DST: variants seen among roughly 807,000 people sequenced by gnomAD.
The protein encoded by DST is bullous pemphigoid antigen.
DST carries 253 observed loss-of-function variants against 875.2 expected under a neutral mutation model. That is an observed-to-expected ratio of 0.29 (90% CI 0.26 to 0.32). The LOEUF is 0.32. DST is among the 10% of genes least tolerant of loss of function. The pLI, the probability that DST is intolerant of heterozygous loss-of-function variation, is 1.00. For synonymous variants in DST, 3,124 were observed against 3,197.1 expected (o/e 0.98, Z 0.77); for missense variants, 8,287 against 9,111.6 (o/e 0.91, Z 3.68).
At chr6:56,788,797 C>T (rs377308948) in intron 4 of DST, among the ~76,000 whole-genome samples, 11 of 152,174 alleles carry the variant, frequency 7.2e-5, no homozygotes, top group Admixed American at 3.3e-4. Context: ...ATTATGATTG[C>T]TTCCAACTTT....
chr6:56,538,465 T>C (rs564348141), intron 61 of DST, among the ~76,000 whole-genome samples: 1 of 152,160 alleles, frequency 6.6e-6, no homozygotes, highest in South Asian at 2.1e-4. Context: ...TCATAATACA[T>C]AGAAACATAA....
At position 56,615,519 on chromosome 6, in the gene DST, A is replaced by G. The variant is rs372259458; in HGVS notation, c.4930-1035T>C. 4.3e-6 allele frequency: 7 copies of G among 1,614,034 alleles called. No individual in the cohort carries two copies. The African/African-American group carries it at 5.3e-5, about 12-fold the overall frequency. On this transcript the variant is annotated intron_variant, in intron 36 of 103. Transcript: ENST00000680361. Reference sequence around the variant, plus strand: ...CACAGTTATTTAAACATGTCCCATTAGGAAGAATAGTAGAGGCTAGAAATT... The same window carrying G: ...CACAGTTATTTAAACATGTCCCATTGGGAAGAATAGTAGAGGCTAGAAATT...
In DST at chr6:56,934,584, ATATATC is replaced by A. The variant is rs1303333173; in HGVS notation, c.216+19195_216+19200del. Among the ~76,000 whole-genome samples, 31 of 139,754 alleles carry A rather than the reference ATATATC, an allele frequency of 2.2e-4. 1 individual carries two copies. The highest frequency in any genetic ancestry group is 7.8e-4 in the African/African-American group (30 of 38,294). 91.7% of individuals were successfully genotyped at this position (139,754 alleles called of 152,430 possible). On this transcript the variant is annotated intron_variant, in intron 2 of 103. Coordinates refer to ENST00000680361, the MANE Select transcript of DST (RefSeq NM_001374736.1). ...ATTATATATATATATATATATATAT[ATATATC>A]GTGAGAGAGAGAGAAGGAGGGGAGA...
At chr6:56,824,289 A>G (rs986247833) in intron 4 of DST, among the ~76,000 whole-genome samples, 27 of 152,308 alleles carry the variant, frequency 1.8e-4, no homozygotes, top group African/African-American at 6.3e-4. Flanking sequence ...GGGATTGCAG[A>G]CGGAGTCTCG....
At chr6:56,540,939 T>G (rs2097114490) in intron 61 of DST, 1 of 152,656 alleles carries the variant, frequency 6.6e-6, no homozygotes, top group African/African-American at 2.4e-5. Context: ...GAAGACAAAC[T>G]TTTAATTCGT....
At chr6:56,618,372 C>T (rs1395989918) in intron 36 of DST, 2 of 1,614,010 alleles carry the variant, frequency 1.2e-6, no homozygotes, top group East Asian at 4.5e-5. Context: ...TGCTGGCACT[C>T]CTTCACTGTC....
intron 80 of DST, 58 bp downstream of exon 80, chr6:56,501,022 T>A: frequency 6.5e-7 from 1 of 1,533,878 alleles, no homozygotes. Context: ...ATCCAAGAAA[T>A]CTGATGACAC....
chr6:56,713,686 C>T (rs2099385646), intron 5 of DST, among the ~76,000 whole-genome samples: 1 of 152,176 alleles, frequency 6.6e-6, no homozygotes, highest in Non-Finnish European at 1.5e-5. Context: ...GGGCACTTCC[C>T]GGTGTCCCTT....
At chr6:56,647,688 G>GC (rs2098951309) in intron 13 of DST, among the ~76,000 whole-genome samples, 1 of 126,886 alleles carries the variant, frequency 7.9e-6, no homozygotes, top group African/African-American at 3.2e-5. Flanking sequence ...TTTTTGTAAT[G>GC]TTTTTTTTTT....
chr6:56,543,118 G>T (rs895343190), intron 61 of DST, among the ~76,000 whole-genome samples: 3 of 152,230 alleles, frequency 2.0e-5, no homozygotes, highest in Non-Finnish European at 4.4e-5. Flanking sequence ...CCTGGCACCG[G>T]GAGATCCGCG....
At chr6:56,501,736 A>C in intron 78 of DST, 43 bp from the exon 79 acceptor site, 1 of 1,391,128 alleles carries the variant, frequency 7.2e-7, no homozygotes, top group South Asian at 1.4e-5. Flanking sequence ...GTTAAAAATC[A>C]CTAACTCCAA....
At chr6:56,954,357 G>A in intron 1 of DST, 50 bp downstream of exon 1, 1 of 1,305,886 alleles carries the variant, frequency 7.7e-7, no homozygotes, top group Non-Finnish European at 1.0e-6. Context: ...TCTCCAAATC[G>A]GCTTAATTGT....
At chr6:56,559,649 G>A (rs899803330) in intron 58 of DST, among the ~76,000 whole-genome samples, 27 of 151,932 alleles carry the variant, frequency 1.8e-4, no homozygotes, top group East Asian at 3.9e-4. Context: ...AATTATTACC[G>A]TTCTCTTACA....
chr6:56,768,604 TAAAAG>T (rs2099640686), intron 4 of DST, among the ~76,000 whole-genome samples: 1 of 151,956 alleles, frequency 6.6e-6, no homozygotes, highest in Non-Finnish European at 1.5e-5. Flanking sequence ...GAAGATAACA[TAAAAG>T]AAAATCTAGA....
chr6:56,573,979 C>T (rs1238888711), intron 50 of DST, 92 bp from the exon 51 acceptor site: 1 of 890,338 alleles, frequency 1.1e-6, no homozygotes, highest in South Asian at 2.4e-5. Flanking sequence ...ACAATTTCCA[C>T]ACAAAAAATT....
chr6:56,648,783 G>T, intron 12 of DST, 94 bp from the exon 13 acceptor site: 1 of 1,086,240 alleles, frequency 9.2e-7, no homozygotes, highest in Non-Finnish European at 1.3e-6. Flanking sequence ...GTAAATGTAT[G>T]TATTTGAAGC....
At chr6:56,719,208 A>T (rs1264139790) in intron 5 of DST, among the ~76,000 whole-genome samples, 1 of 152,240 alleles carries the variant, frequency 6.6e-6, no homozygotes, top group Non-Finnish European at 1.5e-5. Context: ...ATGTTAGACT[A>T]TTCTAATATG....
At chr6:56,779,773 A>G (rs13200868) in intron 4 of DST, among the ~76,000 whole-genome samples, 34,178 of 149,492 alleles carry the variant, frequency 0.23, 4,882 homozygotes, top group African/African-American at 0.39. Context: ...TGTGCACAAT[A>G]TGCAGGTTAG....
intron 78 of DST, among the ~76,000 whole-genome samples, 186 bp from the exon 79 acceptor site, chr6:56,501,879 T>C (rs1200074984): frequency 6.6e-6 from 1 of 152,110 alleles, no homozygotes; most frequent in Non-Finnish European, 1.5e-5. Flanking sequence ...GAAAATATTT[T>C]CTCTTTATTC....
Sources: gnomAD v4.1 joint callset for allele counts (sites outside exome capture counted in the v4.1 genomes callset) on GRCh38, gnomAD v4.1.1 for gene constraint, MANE v1.5 for transcripts, NCBI Gene and HGNC (gene_info 2026-07-23, HGNC 2026-07-21) for gene names.